STPG2: variants seen among roughly 807,000 people sequenced by gnomAD.
STPG2 encodes the protein sperm-tail PG-rich repeat-containing protein 2.
In STPG2, 56 loss-of-function variants were observed where a neutral mutation model predicts 54.2. The observed-to-expected ratio is 1.03, with a 90% CI of 0.83 to 1.29. The LOEUF (loss-of-function observed/expected upper bound fraction) is 1.29. Ranked by LOEUF, STPG2 falls within the 50% of genes most tolerant of loss-of-function variation. The pLI is 0.00. For synonymous variants in STPG2, 200 were observed against 181.8 expected (o/e 1.10, Z -0.81); for missense variants, 596 against 544.9 (o/e 1.09, Z -0.93).
intron 8 of STPG2, among the ~76,000 whole-genome samples, chr4:97,925,738 G>A (rs1295026033): frequency 6.6e-6 from 1 of 152,146 alleles, no homozygotes; most frequent in Admixed American, 6.5e-5. Flanking sequence ...CATTTCTAAT[G>A]TGTTTTTACT....
In STPG2 at chr4:97,711,748, C is replaced by A. The variant is rs948086094; in HGVS notation, c.1320+951G>T. ...GCAGTGGTGCAATTTTGGCCCACTG[C>A]AAACTCTGCCTCCCAGATCCAAGCG... On this transcript the variant is annotated intron_variant, in intron 10 of 10. Coordinates refer to ENST00000295268, the MANE Select transcript of STPG2 (RefSeq NM_174952.3). Among the ~76,000 whole-genome samples the A allele has an allele frequency of 1.0e-4, 15 of 150,364 alleles. No individual in the cohort carries two copies. In the Admixed American group the frequency reaches 1.0e-3, roughly 10 times the overall value.
chr4:97,596,821 T>C (rs1051202793), intron 10 of STPG2, among the ~76,000 whole-genome samples: 1 of 150,996 alleles, frequency 6.6e-6, no homozygotes, highest in Non-Finnish European at 1.5e-5. Context: ...GTGAGAAAAA[T>C]CTAAAATTAA....
chr4:97,791,544 G>A (rs1336235322), intron 9 of STPG2, among the ~76,000 whole-genome samples: 1 of 152,012 alleles, frequency 6.6e-6, no homozygotes, highest in African/African-American at 2.4e-5. Flanking sequence ...ATATATTAAA[G>A]TCACATTGAA....
chr4:97,562,160 C>T (rs1352403654), intron 10 of STPG2, among the ~76,000 whole-genome samples: 2 of 152,046 alleles, frequency 1.3e-5, no homozygotes, highest in Non-Finnish European at 2.9e-5. Flanking sequence ...CCTTCACGTC[C>T]CTCGTAAGGT....
intron 10 of STPG2, chr4:97,633,487 G>T (rs1376189676): frequency 6.6e-6 from 1 of 152,120 alleles, no homozygotes; most frequent in Non-Finnish European, 1.5e-5. Context: ...CCTGAGGGAG[G>T]CGCCAAGATG....
chr4:97,666,366 A>C (rs1437251750), intron 10 of STPG2, among the ~76,000 whole-genome samples: 5 of 152,218 alleles, frequency 3.3e-5, no homozygotes, highest in Non-Finnish European at 7.3e-5. Flanking sequence ...ATTTCCTAGA[A>C]CATGCAATGT....
chr4:97,443,269 G>A (rs576710789), intron 4 of STPG2, among the ~76,000 whole-genome samples: 2 of 152,218 alleles, frequency 1.3e-5, no homozygotes, highest in South Asian at 2.1e-4. Context: ...AACCTAAGCT[G>A]AGACTTTGGC....
At chr4:97,644,168 C>G (rs1208456483) in intron 10 of STPG2, among the ~76,000 whole-genome samples, 1 of 151,724 alleles carries the variant, frequency 6.6e-6, no homozygotes, top group African/African-American at 2.4e-5. Context: ...GAAAACCTTT[C>G]CTTTTAAAAT....
intron 8 of STPG2, among the ~76,000 whole-genome samples, chr4:97,919,604 T>C (rs79477126): frequency 0.013 from 2,016 of 152,090 alleles, 26 homozygotes; most frequent in Middle Eastern, 0.034. Flanking sequence ...AAAAATTGAA[T>C]GAATAAAAGT....
intron 10 of STPG2, among the ~76,000 whole-genome samples, chr4:97,656,172 A>C (rs1722213572): frequency 6.6e-6 from 1 of 152,144 alleles, no homozygotes; most frequent in African/African-American, 2.4e-5. Context: ...GTTAAAGAAC[A>C]CATGGGTATC....
At chr4:97,622,550 A>G (rs947859509) in intron 10 of STPG2, among the ~76,000 whole-genome samples, 6 of 152,218 alleles carry the variant, frequency 3.9e-5, no homozygotes, top group African/African-American at 1.4e-4. Flanking sequence ...CTAGGAATAC[A>G]GCTAACAAGG....
At chr4:97,869,549 T>C (rs1477680519) in intron 8 of STPG2, among the ~76,000 whole-genome samples, 3 of 151,672 alleles carry the variant, frequency 2.0e-5, no homozygotes, top group Non-Finnish European at 3.0e-5. Flanking sequence ...AGGAGATAAA[T>C]GGAAAAGACA....
intron 2 of STPG2, among the ~76,000 whole-genome samples, chr4:98,133,364 CT>C (rs1488960327): frequency 6.6e-6 from 1 of 151,968 alleles, no homozygotes; most frequent in Non-Finnish European, 1.5e-5. Flanking sequence ...ACAAATAGCC[CT>C]TTTCACATGT....
At chr4:97,869,436 AT>A (rs1410003607) in intron 8 of STPG2, among the ~76,000 whole-genome samples, 1 of 151,696 alleles carries the variant, frequency 6.6e-6, no homozygotes, top group Non-Finnish European at 1.5e-5. Flanking sequence ...ATTTTGGTGC[AT>A]TTTTAAACAG....
intron 6 of STPG2, among the ~76,000 whole-genome samples, chr4:97,977,694 A>ATGCATT (rs1316856021): frequency 6.6e-6 from 1 of 152,242 alleles, no homozygotes; most frequent in Non-Finnish European, 1.5e-5. Flanking sequence ...AGAAAGCACC[A>ATGCATT]GGGCTAGTCA....
chr4:97,860,467 GTTTTATTTTATTTTA>G (rs56308311), intron 8 of STPG2, among the ~76,000 whole-genome samples: 33,046 of 138,654 alleles, frequency 0.24, 4,205 homozygotes, highest in East Asian at 0.52. Flanking sequence ...ATATTCCTAA[GTTTTATTTTATTTTA>G]TTTTATTTTA....
intron 8 of STPG2, among the ~76,000 whole-genome samples, chr4:97,880,450 T>C (rs976104965): frequency 1.3e-5 from 2 of 152,180 alleles, no homozygotes; most frequent in African/African-American, 4.8e-5. Context: ...CAAGATCTAT[T>C]TCATTTAGAA....
chr4:97,523,878 C>A (rs1731229205), intron 4 of STPG2, among the ~76,000 whole-genome samples: 1 of 151,886 alleles, frequency 6.6e-6, no homozygotes, highest in South Asian at 2.1e-4. Flanking sequence ...ATGCTGAGGG[C>A]ATAGGACTTT....
chr4:98,129,216 C>G (rs13138051), intron 2 of STPG2, among the ~76,000 whole-genome samples: 5 of 151,946 alleles, frequency 3.3e-5, no homozygotes, highest in African/African-American at 1.2e-4. Context: ...AGTAAAGCCA[C>G]CATTACTAAT....
Sources: gnomAD v4.1 joint callset for allele counts (sites outside exome capture counted in the v4.1 genomes callset) on GRCh38, gnomAD v4.1.1 for gene constraint, MANE v1.5 for transcripts, NCBI Gene and HGNC (gene_info 2026-07-23, HGNC 2026-07-21) for gene names.